Variants in BCR observed in about 807,000 individuals in gnomAD.
The protein encoded by BCR is breakpoint cluster region protein.
In BCR, 58 loss-of-function variants were observed where a neutral mutation model predicts 138.6. The ratio of observed to expected loss-of-function variants is 0.42; its 90% CI spans 0.34 to 0.52. The LOEUF is 0.52. BCR is among the 20% of genes least tolerant of loss of function. The pLI is 0.06. For synonymous variants in BCR, 786 were observed against 730.1 expected (o/e 1.08, Z -1.23); for missense variants, 1,599 against 1,727.2 (o/e 0.93, Z 1.32).
At chr22:23,268,081 C>A (rs2073465395) in intron 4 of BCR, among the ~76,000 whole-genome samples, 1 of 152,224 alleles carries the variant, frequency 6.6e-6, no homozygotes, top group Non-Finnish European at 1.5e-5. Flanking sequence ...TGTCCAGATT[C>A]ACTGACAACC....
chr22:23,197,520 T>C (rs536510048), intron 1 of BCR, among the ~76,000 whole-genome samples: 2 of 152,208 alleles, frequency 1.3e-5, no homozygotes, highest in Non-Finnish European at 2.9e-5. Context: ...GATGTGGAAC[T>C]TGAGGCTGTG....
chr22:23,205,479 G>C lies in BCR; in HGVS notation c.1279+23240G>C, dbSNP rs1313340589. Among the ~76,000 whole-genome samples, 3 of 152,218 alleles carry C rather than the reference G, an allele frequency of 2.0e-5. No homozygotes were observed. The East Asian group carries it at 5.8e-4, about 29-fold the overall frequency. On this transcript the variant is annotated intron_variant, in intron 1 of 22. Coordinates refer to ENST00000305877, the MANE Select transcript of BCR (RefSeq NM_004327.4). ...TTACTGGAACTTTGCACTTGGGTTT[G>C]GCTTTGTGCTTTGTAAGGGGATCCC...
intron 1 of BCR, among the ~76,000 whole-genome samples, chr22:23,205,570 G>A (rs1302043625): frequency 6.6e-6 from 1 of 152,146 alleles, no homozygotes; most frequent in Non-Finnish European, 1.5e-5. Flanking sequence ...TGCTCGCCAA[G>A]GGGATACTCA....
At chr22:23,289,808 T>C in intron 13 of BCR, 187 bp downstream of exon 13, 2 of 604,806 alleles carry the variant, frequency 3.3e-6, no homozygotes, top group Non-Finnish European at 5.9e-6. Context: ...AGGAGCAGTT[T>C]CTCCCTGAGT....
At chr22:23,262,881 G>A (rs551019913) in intron 4 of BCR, 49 of 1,061,304 alleles carry the variant, frequency 4.6e-5, no homozygotes, top group East Asian at 2.1e-4. Context: ...AGGAGGCAGC[G>A]GGCCGGGGGC....
intron 1 of BCR, chr22:23,199,438 T>G (rs2072523468): frequency 2.4e-6 from 1 of 425,104 alleles, no homozygotes; most frequent in African/African-American, 2.1e-5. Flanking sequence ...GGAAGGTTGA[T>G]GGGGATGGGC....
Position 23,315,789 on chromosome 22 carries a change from C to T in BCR, c.*267C>T. 3.6e-6 allele frequency: 2 copies of T among 556,120 alleles called. No individual in the cohort carries two copies. The highest frequency in any genetic ancestry group is 5.2e-5 in the Admixed American group (2 of 38,676). The allele number at this position is 556,120 out of a possible 1,614,324, so 34.4% of individuals were successfully genotyped here. A position where few individuals can be genotyped will look rare whatever the true frequency, so the allele number is the denominator to read the frequency against. On this transcript the variant is annotated 3_prime_UTR_variant, in exon 23 of 23. Transcript: ENST00000305877. The stretch of plus-strand genomic sequence containing the variant: ...AAGCCAGTTCATCTCGGAGTCCAGG[C>T]CTGGCCCTGGGAGACAGGGTGAAGG...
At chr22:23,209,922 G>A (rs79966991) in intron 1 of BCR, among the ~76,000 whole-genome samples, 10,353 of 152,102 alleles carry the variant, frequency 0.068, 1,179 homozygotes, top group African/African-American at 0.23. Flanking sequence ...GCACCACTGC[G>A]CCCCTACTCA....
At chr22:23,211,326 T>C (rs1253508362) in intron 1 of BCR, among the ~76,000 whole-genome samples, 1 of 149,632 alleles carries the variant, frequency 6.7e-6, no homozygotes, top group African/African-American at 2.5e-5. Context: ...GCCTCCCAAG[T>C]AGCTGGGACT....
intron 8 of BCR, among the ~76,000 whole-genome samples, chr22:23,277,361 G>A (rs60096976): frequency 2.6e-5 from 4 of 152,280 alleles, no homozygotes; most frequent in South Asian, 2.1e-4. Flanking sequence ...GCCCCTGGCC[G>A]CCTGTGTGCC....
chr22:23,220,540 A>C lies in BCR; in HGVS notation c.1280-33259A>C, dbSNP rs191169758. Among the ~76,000 whole-genome samples the C allele has an allele frequency of 2.5e-4, 38 of 152,228 alleles. 1 individual carries two copies. In the East Asian group the frequency reaches 6.2e-3, roughly 25 times the overall value. ...CCACCCAGGCTTGGTCTGCTAGGGG[A>C]GGTGGAAGCAGGGCTTCTGAGGCCC... On this transcript the variant is annotated intron_variant, in intron 1 of 22. Transcript: ENST00000305877.
chr22:23,262,898 G>C, intron 4 of BCR: 2 of 1,078,662 alleles, frequency 1.9e-6, no homozygotes, highest in Non-Finnish European at 2.3e-6. Flanking sequence ...GGGCTGAGGC[G>C]GGAGCGAGGA....
chr22:23,289,499 T>A lies in BCR; in HGVS notation c.2603-18T>A. 2 of 1,607,392 alleles carry A rather than the reference T, an allele frequency of 1.2e-6. No homozygotes were observed. Among genetic ancestry groups the A allele is most frequent in the Non-Finnish European group, 1.7e-6 (2 of 1,173,900 alleles). Reference sequence around the variant, plus strand: ...GAGCAGATTGACCAATTGGTGCACCTCTTTTCCAACCTCCCAGGTTTCAGA... The same window carrying A: ...GAGCAGATTGACCAATTGGTGCACCACTTTTCCAACCTCCCAGGTTTCAGA... On this transcript the variant is annotated intron_variant, in intron 12 of 22. Transcript: ENST00000305877.
intron 4 of BCR, chr22:23,263,244 A>G (rs1057023387): frequency 2.9e-6 from 3 of 1,050,448 alleles, no homozygotes; most frequent in East Asian, 2.5e-5. Context: ...GCTGCTGCAC[A>G]TGTGCTCCTA....
intron 13 of BCR, chr22:23,289,961 C>G (rs1050682523): frequency 5.9e-6 from 3 of 505,570 alleles, no homozygotes; most frequent in African/African-American, 1.9e-5. Flanking sequence ...TACCTGCCAG[C>G]CGGCACTTTT....
intron 1 of BCR, among the ~76,000 whole-genome samples, chr22:23,230,576 G>A (rs972870271): frequency 2.6e-5 from 4 of 152,252 alleles, no homozygotes; most frequent in African/African-American, 9.6e-5. Flanking sequence ...CCTCCTGCTG[G>A]TTTATTCAGC....
intron 1 of BCR, among the ~76,000 whole-genome samples, chr22:23,201,908 C>G (rs1426114568): frequency 6.6e-6 from 1 of 152,102 alleles, no homozygotes; most frequent in Non-Finnish European, 1.5e-5. Context: ...GGGGAAGGTT[C>G]CTGTGCAGTA....
chr22:23,273,864 T>C (rs940104366), intron 8 of BCR, 90 bp downstream of exon 8: 2 of 1,551,482 alleles, frequency 1.3e-6, no homozygotes, highest in African/African-American at 2.7e-5. Context: ...GAGCCCTTCC[T>C]GGTCCTCAGC....
chr22:23,277,665 T>G (rs1401430606), intron 8 of BCR, among the ~76,000 whole-genome samples: 1 of 152,104 alleles, frequency 6.6e-6, no homozygotes. Context: ...AGGTGGCCCA[T>G]TGCTACCTGC....
Sources: gnomAD v4.1 joint callset for allele counts (sites outside exome capture counted in the v4.1 genomes callset) on GRCh38, gnomAD v4.1.1 for gene constraint, MANE v1.5 for transcripts, NCBI Gene and HGNC (gene_info 2026-07-23, HGNC 2026-07-21) for gene names.